Variants in ABHD12 observed in about 807,000 individuals in gnomAD.
The protein encoded by ABHD12 is abhydrolase domain containing 12, lysophospholipase.
In ABHD12, 43 loss-of-function variants were observed where a neutral mutation model predicts 58.3. The ratio of observed to expected loss-of-function variants is 0.74; its 90% CI spans 0.58 to 0.95. ABHD12 has a LOEUF of 0.95. ABHD12 is among the 40% of genes least tolerant of loss of function. The pLI, the probability that ABHD12 is intolerant of heterozygous loss-of-function variation, is 0.00. For synonymous variants in ABHD12, 219 were observed against 211.2 expected (o/e 1.04, Z -0.32); for missense variants, 539 against 537.2 (o/e 1.00, Z -0.03).
intron 1 of ABHD12, among the ~76,000 whole-genome samples, chr20:25,383,971 A>G (rs545315318): frequency 1.6e-4 from 22 of 141,656 alleles, no homozygotes; most frequent in East Asian, 3.9e-4. Context: ...AAAAAAAAAA[A>G]AAAGAAAAAA....
intron 1 of ABHD12, among the ~76,000 whole-genome samples, chr20:25,349,874 C>T (rs1254535116): frequency 6.6e-6 from 1 of 152,098 alleles, no homozygotes; most frequent in Non-Finnish European, 1.5e-5. Flanking sequence ...AAATTATACA[C>T]CTCAAAATGG....
chr20:25,390,476 G>GCCCCCCCCCCCCCCCC (rs773039836), intron 1 of ABHD12, 37 bp downstream of exon 1: 57 of 1,034,962 alleles, frequency 5.5e-5, no homozygotes, highest in South Asian at 2.6e-4. Flanking sequence ...GTGAGGGACC[G>GCCCCCCCCCCCCCCCC]GCCCCCCCCC....
At chr20:25,296,662 C>T, downstream of ABHD12, 1 of 1,189,762 alleles carries the variant, frequency 8.4e-7, no homozygotes, top group Non-Finnish European at 1.1e-6. Flanking sequence ...CCATGGGGGT[C>T]AGGGTGGTTT....
downstream of ABHD12, among the ~76,000 whole-genome samples, chr20:25,298,611 A>G (rs1049569564): frequency 2.8e-4 from 43 of 152,186 alleles, no homozygotes; most frequent in African/African-American, 9.6e-4. Context: ...ATTACTAAAC[A>G]TGCTATCTGG....
At chr20:25,366,089 T>C (rs2089816897) in intron 1 of ABHD12, among the ~76,000 whole-genome samples, 1 of 152,236 alleles carries the variant, frequency 6.6e-6, no homozygotes, top group Non-Finnish European at 1.5e-5. Flanking sequence ...TTATATTTCC[T>C]TTTCAATGAA....
chr20:25,390,542 G>C lies in ABHD12; in HGVS notation c.162C>G (p.Ala54=), dbSNP rs1445435596. ...GPAAAEPRCA[A]DAGMKRALGR... Reference sequence around the variant, plus strand: ...CCAGCGCCCGCTTCATTCCCGCGTCGGCTGCGCAGCGCGGCTCAGCCGCCG... The same window carrying C: ...CCAGCGCCCGCTTCATTCCCGCGTCCGCTGCGCAGCGCGGCTCAGCCGCCG... Residue 54 remains alanine, a synonymous_variant, in exon 1 of 13, where the codon GCC becomes GCG. Coordinates refer to ENST00000339157, the MANE Select transcript of ABHD12 (RefSeq NM_001042472.3). The C allele has an allele frequency of 9.6e-6, 14 of 1,462,102 alleles. No individual in the cohort carries two copies. The highest frequency in any genetic ancestry group is 2.3e-4 in the Middle Eastern group (1 of 4,368). 90.6% of individuals were successfully genotyped at this position (1,462,102 alleles called of 1,614,324 possible). A position where few individuals can be genotyped will look rare whatever the true frequency, so the allele number is the denominator to read the frequency against.
intron 2 of ABHD12, among the ~76,000 whole-genome samples, chr20:25,335,372 G>C (rs1409704767): frequency 7.3e-5 from 11 of 149,780 alleles, no homozygotes; most frequent in African/African-American, 1.5e-4. Context: ...CTGTAAACTA[G>C]TTCAACCATT....
chr20:25,336,379 A>G (rs1461861208), intron 2 of ABHD12, among the ~76,000 whole-genome samples: 1 of 152,172 alleles, frequency 6.6e-6, no homozygotes, highest in African/African-American at 2.4e-5. Flanking sequence ...TATTTAAAGT[A>G]GAATAATGCC....
At chr20:25,329,774 G>A (rs567873788) in intron 2 of ABHD12, among the ~76,000 whole-genome samples, 36 of 152,258 alleles carry the variant, frequency 2.4e-4, no homozygotes, top group African/African-American at 8.7e-4. Context: ...GGAAAGCCTG[G>A]GTTGGTTATT....
intron 4 of ABHD12, among the ~76,000 whole-genome samples, chr20:25,318,430 A>G (rs1299494219): frequency 6.6e-6 from 1 of 152,236 alleles, no homozygotes; most frequent in African/African-American, 2.4e-5. Context: ...AAAATTTCCT[A>G]CATTAAGCAA....
At chr20:25,320,820 A>G (rs2089052712) in intron 3 of ABHD12, among the ~76,000 whole-genome samples, 2 of 130,214 alleles carry the variant, frequency 1.5e-5, no homozygotes, top group African/African-American at 5.8e-5. Flanking sequence ...CGCTGACGCC[A>G]TTTCTAATGT....
At chr20:25,344,108 G>A (rs1018517437) in intron 1 of ABHD12, among the ~76,000 whole-genome samples, 2 of 152,160 alleles carry the variant, frequency 1.3e-5, no homozygotes, top group African/African-American at 4.8e-5. Flanking sequence ...TAGGAATAAA[G>A]GGGAACTTCC....
intron 6 of ABHD12, among the ~76,000 whole-genome samples, chr20:25,313,285 C>T (rs1365284907): frequency 3.3e-5 from 5 of 152,242 alleles, no homozygotes; most frequent in Non-Finnish European, 7.3e-5. Flanking sequence ...GACCTTACCC[C>T]CAACCTGGTG....
chr20:25,365,788 C>G (rs2089811812), intron 1 of ABHD12, among the ~76,000 whole-genome samples: 1 of 152,200 alleles, frequency 6.6e-6, no homozygotes, highest in South Asian at 2.1e-4. Flanking sequence ...GGGCCTCACA[C>G]CTATAATCCC....
rs898798041 is a variant in ABHD12, at chr20:25,302,301, C to T, written c.1075G>A (p.Val359Ile). ...APARSFRDFK[V>I]QFVPFHSDLG... Reference sequence around the variant, plus strand: ...TCTGAATGAAAGGGCACAAACTGAACTTTGAAATCTCGGAAGCTTCGAGCT... The same window carrying T: ...TCTGAATGAAAGGGCACAAACTGAATTTTGAAATCTCGGAAGCTTCGAGCT... Residue 359 changes from valine to isoleucine, a missense_variant, in exon 12 of 13, where the codon GTT becomes ATT. Physicochemically the swap from Val to Ile is conservative, Grantham distance 29. Coordinates refer to ENST00000339157, the MANE Select transcript of ABHD12 (RefSeq NM_001042472.3). 3 of 1,613,734 alleles carry T rather than the reference C, an allele frequency of 1.9e-6. No homozygotes were observed. Among genetic ancestry groups the T allele is most frequent in the African/African-American group, 1.3e-5 (1 of 74,918 alleles).
downstream of ABHD12, chr20:25,295,465 C>A: frequency 1.1e-6 from 1 of 922,592 alleles, no homozygotes; most frequent in Non-Finnish European, 1.7e-6. Flanking sequence ...TGGCTCTGAC[C>A]AGCTGCGTGG....
rs780056088 is a variant in ABHD12 at position 25,323,438 on chromosome 20, A to G, written c.317-8T>C. 3.9e-6 allele frequency: 6 copies of G among 1,546,008 alleles called. No individual in the cohort carries two copies. The South Asian group carries it at 6.7e-5, about 17-fold the overall frequency. On this transcript the variant is annotated splice_region_variant and splice_polypyrimidine_tract_variant and intron_variant, in intron 2 of 12. Transcript: ENST00000339157. ...TGAAATAGGGAACTCTTACTGTAGG[A>G]AATAAAGAGATGGAAATTAGGATTA...
intron 2 of ABHD12, among the ~76,000 whole-genome samples, chr20:25,324,156 G>A (rs1368909317): frequency 2.0e-5 from 3 of 152,202 alleles, no homozygotes; most frequent in African/African-American, 7.2e-5. Flanking sequence ...AAGACCATGG[G>A]GCCCTTAGAC....
intron 1 of ABHD12, among the ~76,000 whole-genome samples, chr20:25,380,848 C>T (rs1233341142): frequency 6.6e-6 from 1 of 152,194 alleles, no homozygotes; most frequent in Non-Finnish European, 1.5e-5. Flanking sequence ...ATCCCCTATC[C>T]ACCTGGATGT....
Sources: allele counts gnomAD v4.1 joint callset (sites outside exome capture counted in the v4.1 genomes callset), GRCh38; gene constraint gnomAD v4.1.1; transcripts MANE v1.5; gene names NCBI Gene and HGNC (gene_info 2026-07-23, HGNC 2026-07-21).